Variants in SLC7A7 observed in about 807,000 individuals in gnomAD.
SLC7A7 encodes the protein Y+L amino acid transporter 1.
SLC7A7 carries 39 observed loss-of-function variants against 47.9 expected under a neutral mutation model. That is an observed-to-expected ratio of 0.81 (90% CI 0.63 to 1.06). The LOEUF is 1.06. Ranked by LOEUF, SLC7A7 falls within the 50% of genes least tolerant of loss-of-function variation. The pLI is 0.00. For missense variants in SLC7A7, 588 were observed against 632.0 expected (o/e 0.93, Z 0.75); for synonymous variants, 234 against 242.8 (o/e 0.96, Z 0.34).
upstream of SLC7A7, chr14:22,815,670 G>A (rs931546048): frequency 2.2e-6 from 1 of 454,022 alleles, no homozygotes; most frequent in South Asian, 1.6e-5. Flanking sequence ...GGGACCAGGG[G>A]CCCAGAAGAA....
At chr14:22,800,675 C>G (rs1297344857) in intron 2 of SLC7A7, among the ~76,000 whole-genome samples, 1 of 105,224 alleles carries the variant, frequency 9.5e-6, no homozygotes, top group African/African-American at 3.2e-5. Flanking sequence ...TGGCTCACAC[C>G]CGTAATCCTA....
At chr14:22,790,490 C>T (rs8006372) in intron 2 of SLC7A7, among the ~76,000 whole-genome samples, 80,449 of 151,874 alleles carry the variant, frequency 0.53, 22,959 homozygotes, top group Non-Finnish European at 0.61. Flanking sequence ...CCTCTCACTG[C>T]AATCAAAAGA....
intron 4 of SLC7A7, 106 bp from the exon 5 acceptor site, chr14:22,776,424 A>G: frequency 7.0e-7 from 1 of 1,425,492 alleles, no homozygotes; most frequent in Non-Finnish European, 9.9e-7. Flanking sequence ...AGGGATGGAG[A>G]CTGTTGCTAC....
chr14:22,773,335 TAGGC>T lies in SLC7A7; in HGVS notation c.*271_*274del, dbSNP rs1161852301. 1.8e-5 allele frequency: 10 copies of T among 556,976 alleles called. No individual in the cohort carries two copies. The highest frequency in any genetic ancestry group is 3.4e-5 in the Non-Finnish European group (10 of 294,426). 34.5% of individuals were successfully genotyped at this position (556,976 alleles called of 1,614,324 possible). Reference sequence around the variant, plus strand: ...CCTTTTAAAAGAAAAGAGGAGTAGGTAGGCACACCCAGGTGCTTCTAAAACAACC... The same window carrying T: ...CCTTTTAAAAGAAAAGAGGAGTAGGTACACCCAGGTGCTTCTAAAACAACC... On this transcript the variant is annotated 3_prime_UTR_variant, in exon 10 of 10. Coordinates refer to ENST00000674313, the MANE Select transcript of SLC7A7 (RefSeq NM_003982.4).
intron 2 of SLC7A7, among the ~76,000 whole-genome samples, chr14:22,785,946 C>T (rs559436158): frequency 4.8e-5 from 7 of 147,356 alleles, no homozygotes; most frequent in African/African-American, 1.0e-4. Context: ...GACGTGAACC[C>T]GGGAGGCGGA....
intron 2 of SLC7A7, among the ~76,000 whole-genome samples, chr14:22,796,181 G>A (rs1280036873): frequency 6.6e-6 from 1 of 152,068 alleles, no homozygotes; most frequent in African/African-American, 2.4e-5. Context: ...AAGGTTCAAA[G>A]GGCAAAAGTC....
chr14:22,794,832 TG>T (rs939466467), intron 2 of SLC7A7, among the ~76,000 whole-genome samples: 2 of 152,146 alleles, frequency 1.3e-5, no homozygotes, highest in African/African-American at 4.8e-5. Flanking sequence ...TCAGAAATTC[TG>T]GGGTGGAACC....
At chr14:22,812,054 T>A (rs2039316946) in intron 2 of SLC7A7, among the ~76,000 whole-genome samples, 1 of 152,206 alleles carries the variant, frequency 6.6e-6, no homozygotes, top group Admixed American at 6.6e-5. Flanking sequence ...AAAGTAGATC[T>A]GTAAGTAGAA....
chr14:22,808,549 G>A (rs7144397), intron 2 of SLC7A7, among the ~76,000 whole-genome samples: 92,618 of 152,100 alleles, frequency 0.61, 28,594 homozygotes, highest in East Asian at 0.8. Flanking sequence ...GCTCACGCCC[G>A]TAATCCTAGC....
upstream of SLC7A7, among the ~76,000 whole-genome samples, chr14:22,816,970 A>G (rs1194543647): frequency 6.6e-6 from 1 of 151,960 alleles, no homozygotes; most frequent in Admixed American, 6.6e-5. Context: ...AATAATTGCT[A>G]TCACTTATTG....
In SLC7A7 at chr14:22,775,875, G is replaced by T; in HGVS notation, c.956C>A (p.Ser319Tyr). 11 of 1,614,142 alleles carry T rather than the reference G, an allele frequency of 6.8e-6. No homozygotes were observed. Among genetic ancestry groups the T allele is most frequent in the Non-Finnish European group, 9.3e-6 (11 of 1,180,012 alleles). Residue 319 changes from serine (S) to tyrosine (Y), a missense_variant, in exon 6 of 10, where the codon TCC becomes TAC. Ser to Tyr is a moderately radical substitution (Grantham distance 144). Coordinates refer to ENST00000674313, the MANE Select transcript of SLC7A7 (RefSeq NM_003982.4). ...NWIIPLSVALSCFGGLNASIV... is the reference protein window; with the variant it reads ...NWIIPLSVALYCFGGLNASIV... The stretch of plus-strand genomic sequence containing the variant: ...GGAGGCATTGAGGCCACCAAAACAG[G>T]ATAATGCAACTGACAGTGGAATTAT...
At chr14:22,814,857 G>T (rs992292353) in intron 1 of SLC7A7, 1 of 170,762 alleles carries the variant, frequency 5.9e-6, no homozygotes, top group African/African-American at 2.4e-5. Context: ...TTCAGCCCTG[G>T]CAAAGCCCAA....
intron 2 of SLC7A7, among the ~76,000 whole-genome samples, chr14:22,805,851 A>T (rs975176060): frequency 6.6e-6 from 1 of 152,192 alleles, no homozygotes; most frequent in Non-Finnish European, 1.5e-5. Flanking sequence ...TAAACTGTAC[A>T]TACATCAAAG....
At position 22,813,283 on chromosome 14, in the gene SLC7A7, A is replaced by T. The variant is rs1204425741; in HGVS notation, c.116T>A (p.Leu39Gln). The T allele has an allele frequency of 6.2e-7, 1 of 1,614,204 alleles. No homozygotes were observed. Among genetic ancestry groups the T allele is most frequent in the Non-Finnish European group, 8.5e-7 (1 of 1,180,018 alleles). ...CACAATCAGGCACACGCCGTTAAGC[A>T]GTGAGATCTCCTTCTTCAGCTTCAC... ...EQVKLKKEIS[L>Q]LNGVCLIVGN... The change falls in exon 2 of 10, where the codon CTG becomes CAG. Residue 39 changes from leucine (L) to glutamine (Q), a missense_variant. Coordinates refer to ENST00000674313, the MANE Select transcript of SLC7A7 (RefSeq NM_003982.4).
chr14:22,794,943 A>G (rs1885402), intron 2 of SLC7A7, among the ~76,000 whole-genome samples: 145,284 of 152,190 alleles, frequency 0.95, 69,698 homozygotes, highest in East Asian at 1. Context: ...ACCCTCATCA[A>G]TTCTCCTCAA....
chr14:22,773,649 T>G lies in SLC7A7; in HGVS notation c.1497A>C (p.Gly499=), dbSNP rs1566438384. 10 of 1,614,026 alleles carry G rather than the reference T, an allele frequency of 6.2e-6. No individual in the cohort carries two copies. Among genetic ancestry groups the G allele is most frequent in the Middle Eastern group, 3.3e-4 (2 of 6,084 alleles). The change falls in exon 10 of 10, where the codon GGA becomes GGC. Residue 499 remains glycine, a synonymous_variant. Coordinates refer to ENST00000674313, the MANE Select transcript of SLC7A7 (RefSeq NM_003982.4). ...GATCCCGTTGCTTGGGCATCTCTCC[T>G]CCATCTTCCAAATCCATTTCTGCAG... ...SVAAEMDLED[G]GEMPKQRDPK...
chr14:22,788,919 G>A (rs6572755), intron 2 of SLC7A7, among the ~76,000 whole-genome samples: 26,159 of 152,010 alleles, frequency 0.17, 3,127 homozygotes, highest in African/African-American at 0.34. Flanking sequence ...CATAAGAAGG[G>A]CTCAAGGGTG....
chr14:22,818,576 GT>G (rs770599032), upstream of SLC7A7, among the ~76,000 whole-genome samples: 17,585 of 92,670 alleles, frequency 0.19, 1,147 homozygotes, highest in East Asian at 0.31. Context: ...TCTACCCCAG[GT>G]TTTTGGTTTT....
At position 22,775,652 on chromosome 14, in the gene SLC7A7, A is replaced by T; in HGVS notation, c.999-112T>A. 5.0e-6 allele frequency: 5 copies of T among 1,006,686 alleles called. No homozygotes were observed. The South Asian group carries it at 6.4e-5, about 13-fold the overall frequency. The allele number at this position is 1,006,686 out of a possible 1,614,324, so 62.4% of individuals were successfully genotyped here. On this transcript the variant is annotated intron_variant, in intron 6 of 9. Coordinates refer to ENST00000674313, the MANE Select transcript of SLC7A7 (RefSeq NM_003982.4). ...CATCCCTTCCTTCAAAAGTATTTGG[A>T]TAATATGGACTGGAGCTCAGTATTA...
Sources: gnomAD v4.1 joint callset for allele counts (sites outside exome capture counted in the v4.1 genomes callset) on GRCh38, gnomAD v4.1.1 for gene constraint, MANE v1.5 for transcripts, NCBI Gene and HGNC (gene_info 2026-07-23, HGNC 2026-07-21) for gene names.